Variants in DTNB observed in about 807,000 individuals in gnomAD.
The protein encoded by DTNB is dystrobrevin beta.
DTNB carries 63 observed loss-of-function variants against 90.7 expected under a neutral mutation model. The ratio of observed to expected loss-of-function variants is 0.69; its 90% confidence interval spans 0.57 to 0.86. DTNB has a LOEUF of 0.86. Among genes scored for constraint, DTNB ranks in the 40% least tolerant of loss-of-function variants. The pLI is 0.00. For missense variants in DTNB, 744 were observed against 807.1 expected (o/e 0.92, Z 0.95); for synonymous variants, 277 against 286.7 (o/e 0.97, Z 0.34).
At chr2:25,445,258 TTGTGAC>T (rs2058220115) in intron 12 of DTNB, among the ~76,000 whole-genome samples, 1 of 152,088 alleles carries the variant, frequency 6.6e-6, no homozygotes, top group Admixed American at 6.5e-5. Context: ...CCTAGAGCAG[TTGTGAC>T]TGACTGAGGG....
intron 9 of DTNB, among the ~76,000 whole-genome samples, chr2:25,530,098 T>C (rs2077877260): frequency 6.6e-6 from 1 of 151,936 alleles, no homozygotes; most frequent in African/African-American, 2.4e-5. Context: ...GTATGTAGAG[T>C]TAGAGATGAG....
intron 12 of DTNB, among the ~76,000 whole-genome samples, chr2:25,438,795 G>C (rs2056642996): frequency 6.6e-6 from 1 of 152,336 alleles, no homozygotes; most frequent in South Asian, 2.1e-4. Context: ...CACTGCCACA[G>C]CCAGGTGATC....
chr2:25,388,147 G>C, intron 17 of DTNB, 55 bp downstream of exon 17: 1 of 1,539,296 alleles, frequency 6.5e-7, no homozygotes, highest in Non-Finnish European at 8.7e-7. Context: ...CAGGAATCTT[G>C]TCCGTGTTTG....
At chr2:25,431,336 A>G (rs2053787679) in intron 14 of DTNB, among the ~76,000 whole-genome samples, 1 of 152,042 alleles carries the variant, frequency 6.6e-6, no homozygotes, top group Non-Finnish European at 1.5e-5. Context: ...CGAGTCTTCT[A>G]GAAGTTTTAA....
chr2:25,550,208 G>C (rs549373731), intron 8 of DTNB, among the ~76,000 whole-genome samples: 1 of 152,016 alleles, frequency 6.6e-6, no homozygotes, highest in Non-Finnish European at 1.5e-5. Flanking sequence ...TGGCTAACAC[G>C]GTGAAACCCC....
rs531890560 is a variant in DTNB at position 25,413,313 on chromosome 2, C to T, written c.1575+6202G>A. On this transcript the variant is annotated intron_variant, in intron 16 of 20. Coordinates refer to ENST00000406818, the MANE Select transcript of DTNB (RefSeq NM_021907.5). ...TAAGTTCTAGGGTACATGTGCACAA[C>T]GTGCAGGTTTGTTACATATGTATAC... Among the ~76,000 whole-genome samples, 306 of 151,658 alleles carry T rather than the reference C, an allele frequency of 2.0e-3. 1 individual carries two copies. The highest frequency in any genetic ancestry group is 7.0e-3 in the African/African-American group (289 of 41,302).
At chr2:25,537,972 T>C (rs938228421) in intron 8 of DTNB, among the ~76,000 whole-genome samples, 2 of 152,226 alleles carry the variant, frequency 1.3e-5, no homozygotes, top group African/African-American at 4.8e-5. Context: ...GGTCTTAACG[T>C]AGAAAGTGAA....
chr2:25,555,291 C>CAAAAA (rs1194525010), intron 8 of DTNB, among the ~76,000 whole-genome samples: 1 of 53,970 alleles, frequency 1.9e-5, no homozygotes, highest in Non-Finnish European at 3.9e-5. Flanking sequence ...ACTCCGTCTC[C>CAAAAA]AAAAAAAAAA....
intron 8 of DTNB, among the ~76,000 whole-genome samples, chr2:25,557,697 TC>T (rs1259024472): frequency 6.6e-6 from 1 of 152,270 alleles, no homozygotes; most frequent in African/African-American, 2.4e-5. Context: ...GGTGATTCTT[TC>T]CAGGGAATTC....
chr2:25,581,612 C>T (rs1481858554), intron 6 of DTNB, among the ~76,000 whole-genome samples: 2 of 152,160 alleles, frequency 1.3e-5, no homozygotes, highest in African/African-American at 2.4e-5. Context: ...CCCACTTAGA[C>T]ACCAAATTAG....
At chr2:25,386,561 C>T (rs1042275032) in intron 18 of DTNB, among the ~76,000 whole-genome samples, 1 of 152,174 alleles carries the variant, frequency 6.6e-6, no homozygotes, top group Non-Finnish European at 1.5e-5. Flanking sequence ...GACTCTCTGG[C>T]CCCTACGTAA....
At chr2:25,550,423 A>AAC (rs975704111) in intron 8 of DTNB, among the ~76,000 whole-genome samples, 14 of 152,020 alleles carry the variant, frequency 9.2e-5, no homozygotes, top group African/African-American at 3.1e-4. Flanking sequence ...CAAACAAACA[A>AAC]AAAAAAACAC....
chr2:25,459,168 A>T (rs1257648076), intron 10 of DTNB, among the ~76,000 whole-genome samples: 2 of 151,576 alleles, frequency 1.3e-5, no homozygotes, highest in African/African-American at 4.9e-5. Flanking sequence ...AAGTATTTGT[A>T]GGTTTATAGT....
intron 8 of DTNB, among the ~76,000 whole-genome samples, chr2:25,536,620 G>A (rs113721767): frequency 1.9e-4 from 29 of 152,102 alleles, no homozygotes; most frequent in Non-Finnish European, 3.2e-4. Flanking sequence ...GAGAATCACC[G>A]GAGCCCGAGG....
At chr2:25,492,381 T>C (rs2067730065) in intron 9 of DTNB, among the ~76,000 whole-genome samples, 1 of 152,100 alleles carries the variant, frequency 6.6e-6, no homozygotes, top group Admixed American at 6.5e-5. Context: ...AACCAGACTG[T>C]TGACTAAAAA....
intron 10 of DTNB, among the ~76,000 whole-genome samples, chr2:25,475,676 C>T (rs773024827): frequency 2.2e-4 from 33 of 152,212 alleles, no homozygotes; most frequent in Non-Finnish European, 4.6e-4. Context: ...AAGTCAATGC[C>T]TGGCTTTAAA....
chr2:25,379,287 C>T lies in DTNB; in HGVS notation c.*29+3G>A. ...GGGGAGGCAGAGGACTCTTTGTACT[C>T]ACCTGAGCTTCCTCTGTGTCCGGCT... On this transcript the variant is annotated splice_donor_region_variant and intron_variant, in intron 20 of 20. Coordinates refer to ENST00000406818, the MANE Select transcript of DTNB (RefSeq NM_021907.5). The T allele has an allele frequency of 1.5e-6, 2 of 1,328,200 alleles. No homozygotes were observed. The highest frequency in any genetic ancestry group is 1.9e-6 in the Non-Finnish European group (2 of 1,030,068). 82.3% of individuals were successfully genotyped at this position (1,328,200 alleles called of 1,614,324 possible). A position where few individuals can be genotyped will look rare whatever the true frequency, so the allele number is the denominator to read the frequency against.
chr2:25,556,170 CTTTTTTTT>C (rs60714399), intron 8 of DTNB, among the ~76,000 whole-genome samples: 2 of 105,566 alleles, frequency 1.9e-5, no homozygotes, highest in African/African-American at 7.8e-5. Context: ...GGCCATCTCT[CTTTTTTTT>C]TTTTTTTTTT....
intron 4 of DTNB, among the ~76,000 whole-genome samples, chr2:25,609,329 T>C (rs1325723362): frequency 6.6e-6 from 1 of 152,174 alleles, no homozygotes; most frequent in Non-Finnish European, 1.5e-5. Flanking sequence ...CCGGGTACAG[T>C]GGCTCACGCC....
Sources: allele counts gnomAD v4.1 joint callset (sites outside exome capture counted in the v4.1 genomes callset), GRCh38; gene constraint gnomAD v4.1.1; transcripts MANE v1.5; gene names NCBI Gene and HGNC (gene_info 2026-07-23, HGNC 2026-07-21).